Variants in CACNA1C observed in about 807,000 individuals in gnomAD.
CACNA1C encodes the protein calcium voltage-gated channel subunit alpha1 C.
Under a neutral mutation model 229.0 loss-of-function variants are expected in CACNA1C, and 30 were observed. That is an observed-to-expected ratio of 0.13 (90% CI 0.10 to 0.18). The LOEUF (loss-of-function observed/expected upper bound fraction) is 0.18, where lower values mean the gene tolerates loss of function less well. Among genes scored for constraint, CACNA1C ranks in the 10% least tolerant of loss-of-function variants. The probability of loss-of-function intolerance (pLI) is 1.00; values close to 1 mark genes in which losing one functional copy is unlikely to be tolerated. For missense variants in CACNA1C, 1,658 were observed against 2,845.0 expected (o/e 0.58, Z 9.49); for synonymous variants, 1,114 against 1,132.5 (o/e 0.98, Z 0.33).
chr12:2,023,474 C>G (rs1307584291), intron 1 of CACNA1C, among the ~76,000 whole-genome samples: 1 of 152,142 alleles, frequency 6.6e-6, no homozygotes, highest in Admixed American at 6.5e-5. Context: ...ACAGGAACAA[C>G]GAGCCTCCAG....
At position 2,605,267 on chromosome 12, in the gene CACNA1C, C is replaced by T. The variant is rs1158951828; in HGVS notation, c.3048+99C>T. On this transcript the variant is annotated intron_variant, in intron 23 of 46. Transcript: ENST00000399655. The surrounding 1 kb of genome is among the most constrained non-coding windows in gnomAD (Gnocchi z 6.2). ...GGGTTGGAAGGAGATGATGGTCAGA[C>T]CAAGTGGCTGCCATGTGGGGTCCCG... The T allele has an allele frequency of 2.5e-6, 2 of 806,010 alleles. No homozygotes were observed. The highest frequency in any genetic ancestry group is 2.6e-5 in the East Asian group (1 of 38,922). 49.9% of individuals were successfully genotyped at this position (806,010 alleles called of 1,614,324 possible). A position where few individuals can be genotyped will look rare whatever the true frequency, so the allele number is the denominator to read the frequency against.
intron 6 of CACNA1C, among the ~76,000 whole-genome samples, chr12:2,492,441 A>G (rs2099737528): frequency 6.6e-6 from 1 of 152,236 alleles, no homozygotes; most frequent in Non-Finnish European, 1.5e-5. Context: ...CTCTTCTGAA[A>G]AGTATTCATG....
In CACNA1C at chr12:2,053,745, C is replaced by T; in HGVS notation, c.49+134C>T. On this transcript the variant is annotated intron_variant, in intron 1 of 46. Coordinates refer to ENST00000399655, the MANE Select transcript of CACNA1C (RefSeq NM_000719.7). This position sits in a 1 kb window ranked among gnomAD's most constrained non-coding sequence, Gnocchi z 5.8. ...GGGCCGCGTCCGCGAGGGGCGCCTCCGCCTCGTCGGAGCGCCCGGGAGCCC... is the reference window on the plus strand; with the variant it reads ...GGGCCGCGTCCGCGAGGGGCGCCTCTGCCTCGTCGGAGCGCCCGGGAGCCC... 1.1e-6 allele frequency: 1 copy of T among 936,814 alleles called. No homozygotes were observed. The highest frequency in any genetic ancestry group is 4.1e-4 in the Middle Eastern group (1 of 2,410). 58.0% of individuals were successfully genotyped at this position (936,814 alleles called of 1,614,324 possible).
chr12:2,052,140 G>C (rs1290423963), upstream of CACNA1C, among the ~76,000 whole-genome samples: 1 of 152,192 alleles, frequency 6.6e-6, no homozygotes, highest in Non-Finnish European at 1.5e-5. Flanking sequence ...AGAGGTGCTG[G>C]ATAGATTCCT....
chr12:2,307,598 A>G (rs1475900162), intron 3 of CACNA1C, among the ~76,000 whole-genome samples: 2 of 152,218 alleles, frequency 1.3e-5, no homozygotes, highest in Non-Finnish European at 2.9e-5. Flanking sequence ...TAAAAATTAC[A>G]GAATCATCCA....
chr12:1,981,710 A>G (rs4765870), intron 1 of CACNA1C, among the ~76,000 whole-genome samples: 46,384 of 152,074 alleles, frequency 0.31, 7,332 homozygotes, highest in East Asian at 0.52. Context: ...CAAAGCAAAT[A>G]TAAGTACAAC....
chr12:2,482,556 G>A (rs771831051), intron 5 of CACNA1C, among the ~76,000 whole-genome samples: 8 of 152,182 alleles, frequency 5.3e-5, no homozygotes, highest in Non-Finnish European at 1.2e-4. Context: ...ATAGAGTGCT[G>A]AGGGCTGCTG....
chr12:2,674,422 A>G, intron 38 of CACNA1C, 119 bp from the exon 39 acceptor site: 1 of 1,387,418 alleles, frequency 7.2e-7, no homozygotes, highest in Non-Finnish European at 9.6e-7. Flanking sequence ...GCAAGAAAGA[A>G]ACTGATGAGT....
intron 3 of CACNA1C, among the ~76,000 whole-genome samples, chr12:2,232,238 T>G (rs945661374): frequency 1.3e-4 from 19 of 146,428 alleles, no homozygotes; most frequent in East Asian, 3.9e-4. Flanking sequence ...TTTTTTTTTT[T>G]TTTTTTTTTT....
chr12:2,377,142 C>G (rs985407220), intron 3 of CACNA1C, among the ~76,000 whole-genome samples: 4 of 152,102 alleles, frequency 2.6e-5, no homozygotes, highest in African/African-American at 7.2e-5. Flanking sequence ...ACACGGCCAA[C>G]AAAAGGAGAA....
At chr12:2,454,935 G>C (rs1165512570) in intron 4 of CACNA1C, among the ~76,000 whole-genome samples, 2 of 152,120 alleles carry the variant, frequency 1.3e-5, no homozygotes, top group African/African-American at 2.4e-5. Context: ...ACTGAACCAC[G>C]ACCCACGGCG....
intron 3 of CACNA1C, among the ~76,000 whole-genome samples, chr12:2,154,000 A>G (rs2154220067): frequency 6.6e-6 from 1 of 152,168 alleles, no homozygotes. Context: ...AATGCTGGGT[A>G]GAGGTTCTTT....
intron 1 of CACNA1C, among the ~76,000 whole-genome samples, chr12:2,093,723 T>C (rs549700707): frequency 1.3e-5 from 2 of 152,316 alleles, no homozygotes; most frequent in East Asian, 3.9e-4. Flanking sequence ...TTCGTAACTC[T>C]TTGGCTCAAC....
rs1330881315 is a variant in CACNA1C, at chr12:2,595,110, G to A, written c.2664-764G>A. ...GAGTTTGGCCCTTCGAGGGTTTGGTGCTTCTGCAGCAGGAGGGCTTCTCAG... is the reference window on the plus strand; with the variant it reads ...GAGTTTGGCCCTTCGAGGGTTTGGTACTTCTGCAGCAGGAGGGCTTCTCAG... On this transcript the variant is annotated intron_variant, in intron 19 of 46. Transcript: ENST00000399655. This position sits in a 1 kb window ranked among gnomAD's most constrained non-coding sequence, Gnocchi z 4.1. 6.6e-6 allele frequency among the ~76,000 whole-genome samples: 1 copy of A among 152,172 alleles called. No homozygotes were observed. Among genetic ancestry groups the A allele is most frequent in the Non-Finnish European group, 1.5e-5 (1 of 68,028 alleles).
chr12:2,423,250 C>T (rs2098996022), intron 3 of CACNA1C, among the ~76,000 whole-genome samples: 1 of 152,096 alleles, frequency 6.6e-6, no homozygotes, highest in South Asian at 2.1e-4. Flanking sequence ...TTATAGTTGA[C>T]AGAGCACTTG....
Position 2,601,801 on chromosome 12 carries a change from C to CTGGGCT in CACNA1C, c.2854-52_2854-47dup. 8.3e-7 allele frequency: 1 copy of CTGGGCT among 1,205,294 alleles called. No individual in the cohort carries two copies. Among genetic ancestry groups the CTGGGCT allele is most frequent in the South Asian group, 1.2e-5 (1 of 82,738 alleles). 74.7% of individuals were successfully genotyped at this position (1,205,294 alleles called of 1,614,324 possible). A position where few individuals can be genotyped will look rare whatever the true frequency, so the allele number is the denominator to read the frequency against. On this transcript the variant is annotated intron_variant, in intron 21 of 46. Coordinates refer to ENST00000399655, the MANE Select transcript of CACNA1C (RefSeq NM_000719.7). The surrounding 1 kb of genome is among the most constrained non-coding windows in gnomAD (Gnocchi z 5.9). ...GAGGAAGGGGTGGTGTGAGGGGTCTCTGGGCTAGGGCTAGGGCCACTCACA... is the reference window on the plus strand; with the variant it reads ...GAGGAAGGGGTGGTGTGAGGGGTCTCTGGGCTTGGGCTAGGGCTAGGGCCACTCACA...
At chr12:2,057,251 C>G (rs544662657) in intron 1 of CACNA1C, among the ~76,000 whole-genome samples, 16 of 152,244 alleles carry the variant, frequency 1.1e-4, no homozygotes, top group Non-Finnish European at 1.9e-4. Flanking sequence ...CCCTGCTCAT[C>G]TTGGGATCCC....
intron 1 of CACNA1C, among the ~76,000 whole-genome samples, chr12:2,013,787 A>G (rs1476729957): frequency 6.6e-6 from 1 of 152,154 alleles, no homozygotes; most frequent in Non-Finnish European, 1.5e-5. Context: ...TCTTATCTCT[A>G]ATAAGGAGAT....
chr12:2,458,537 AC>A (rs1253742227), intron 5 of CACNA1C, among the ~76,000 whole-genome samples: 1 of 152,030 alleles, frequency 6.6e-6, no homozygotes, highest in East Asian at 1.9e-4. Context: ...ACAATTCTGG[AC>A]TCATTTGCTT....
Sources: gnomAD v4.1 joint callset for allele counts (sites outside exome capture counted in the v4.1 genomes callset) on GRCh38, gnomAD v4.1.1 for gene constraint, Gnocchi (gnomAD v3.1) non-coding constraint, MANE v1.5 for transcripts, NCBI Gene and HGNC (gene_info 2026-07-23, HGNC 2026-07-21) for gene names.